Variants in PPP1R9A observed in about 807,000 individuals in gnomAD.
The protein encoded by PPP1R9A is neurabin-1.
PPP1R9A carries 59 observed loss-of-function variants against 141.9 expected under a neutral mutation model. The ratio of observed to expected loss-of-function variants is 0.42; its 90% CI spans 0.34 to 0.52. PPP1R9A has a LOEUF of 0.52. PPP1R9A is among the 20% of genes least tolerant of loss of function. PPP1R9A has a pLI of 0.10. For synonymous variants in PPP1R9A, 500 were observed against 569.7 expected (o/e 0.88, Z 1.74); for missense variants, 1,444 against 1,611.9 (o/e 0.90, Z 1.78).
intron 2 of PPP1R9A, among the ~76,000 whole-genome samples, chr7:94,919,309 T>G (rs1379780991): frequency 7.4e-6 from 1 of 135,916 alleles, no homozygotes; most frequent in Non-Finnish European, 1.5e-5. Flanking sequence ...ACATTTTTTT[T>G]TTTTTTTTTT....
chr7:94,967,677 C>G (rs926385835), intron 2 of PPP1R9A, among the ~76,000 whole-genome samples: 5 of 151,962 alleles, frequency 3.3e-5, no homozygotes, highest in African/African-American at 1.2e-4. Context: ...GCTCTGTTGC[C>G]AGGCTGGAGT....
At chr7:95,042,120 A>G (rs1809330130) in intron 2 of PPP1R9A, among the ~76,000 whole-genome samples, 1 of 152,094 alleles carries the variant, frequency 6.6e-6, no homozygotes, top group Non-Finnish European at 1.5e-5. Context: ...GTGTGCTTTT[A>G]CTGCCCTCAG....
At chr7:95,041,689 G>A (rs1213336668) in intron 2 of PPP1R9A, among the ~76,000 whole-genome samples, 1 of 151,826 alleles carries the variant, frequency 6.6e-6, no homozygotes, top group Non-Finnish European at 1.5e-5. Flanking sequence ...TTCTGAAATA[G>A]GAATAATTGA....
chr7:95,212,439 T>C (rs1476383279), intron 7 of PPP1R9A, among the ~76,000 whole-genome samples: 3 of 152,178 alleles, frequency 2.0e-5, no homozygotes, highest in Admixed American at 2.0e-4. Context: ...CAGATGATTA[T>C]AGAGATCCCT....
intron 4 of PPP1R9A, among the ~76,000 whole-genome samples, chr7:95,123,594 A>G (rs1343438435): frequency 6.6e-6 from 1 of 152,220 alleles, no homozygotes; most frequent in East Asian, 1.9e-4. Context: ...GGTGGCAGTG[A>G]GCCAAGATTG....
intron 2 of PPP1R9A, among the ~76,000 whole-genome samples, chr7:94,977,454 A>T (rs1799577831): frequency 6.6e-6 from 1 of 152,184 alleles, no homozygotes; most frequent in African/African-American, 2.4e-5. Flanking sequence ...AATGTTGCTG[A>T]TGGTTCGACT....
At chr7:95,268,054 A>G (rs1032818520) in intron 12 of PPP1R9A, among the ~76,000 whole-genome samples, 8 of 152,186 alleles carry the variant, frequency 5.3e-5, no homozygotes, top group African/African-American at 1.7e-4. Context: ...ATATATTAAA[A>G]TGAAAATGAT....
intron 2 of PPP1R9A, among the ~76,000 whole-genome samples, chr7:94,952,453 T>C (rs1796581542): frequency 6.6e-6 from 1 of 152,210 alleles, no homozygotes; most frequent in Non-Finnish European, 1.5e-5. Context: ...ATTTATAATA[T>C]CCTTTGAGTA....
chr7:95,101,498 T>C (rs1818790032), intron 2 of PPP1R9A, among the ~76,000 whole-genome samples: 1 of 152,056 alleles, frequency 6.6e-6, no homozygotes, highest in African/African-American at 2.4e-5. Flanking sequence ...TCCAGAAATA[T>C]AAGAAGAAAA....
chr7:94,982,866 G>A (rs951156548), intron 2 of PPP1R9A, among the ~76,000 whole-genome samples: 1 of 152,058 alleles, frequency 6.6e-6, no homozygotes, highest in Non-Finnish European at 1.5e-5. Flanking sequence ...CATTGCTTTT[G>A]GTGTTTTAGT....
intron 2 of PPP1R9A, among the ~76,000 whole-genome samples, chr7:94,935,484 G>A (rs1311868430): frequency 1.3e-5 from 2 of 152,092 alleles, no homozygotes; most frequent in African/African-American, 4.8e-5. Context: ...ACGTATGCAG[G>A]GCCCCTGAAA....
intron 2 of PPP1R9A, chr7:95,108,879 A>G (rs1010766343): frequency 2.6e-5 from 4 of 152,178 alleles, no homozygotes; most frequent in African/African-American, 9.7e-5. Context: ...GTATTAGTGA[A>G]ATTGAGTGAT....
chr7:94,971,858 G>A (rs1407964518), intron 2 of PPP1R9A, among the ~76,000 whole-genome samples: 1 of 152,166 alleles, frequency 6.6e-6, no homozygotes, highest in Non-Finnish European at 1.5e-5. Flanking sequence ...TTTTAAATTG[G>A]TTAGGATATA....
intron 2 of PPP1R9A, among the ~76,000 whole-genome samples, chr7:95,072,749 AATATT>A (rs1288719460): frequency 9.3e-6 from 1 of 107,792 alleles, no homozygotes; most frequent in East Asian, 2.2e-4. Context: ...TATAATATAT[AATATT>A]ATATTAAATA....
intron 2 of PPP1R9A, among the ~76,000 whole-genome samples, chr7:94,999,380 C>G (rs1008800941): frequency 1.3e-5 from 2 of 152,144 alleles, no homozygotes; most frequent in African/African-American, 4.8e-5. Context: ...GACAGCCACT[C>G]TAGATGGATG....
chr7:95,276,700 A>G (rs963963370), intron 16 of PPP1R9A, among the ~76,000 whole-genome samples: 2 of 152,204 alleles, frequency 1.3e-5, no homozygotes, highest in Admixed American at 6.5e-5. Context: ...TCATAGTTTT[A>G]TAATTATTAG....
chr7:95,110,185 A>G (rs796503981), intron 2 of PPP1R9A, among the ~76,000 whole-genome samples: 4 of 152,206 alleles, frequency 2.6e-5, no homozygotes, highest in Non-Finnish European at 5.9e-5. Context: ...TACCATATAT[A>G]GAATATAGGA....
At chr7:95,058,063 C>CT (rs1429812518) in intron 2 of PPP1R9A, among the ~76,000 whole-genome samples, 2 of 152,080 alleles carry the variant, frequency 1.3e-5, no homozygotes, top group Non-Finnish European at 2.9e-5. Flanking sequence ...ACTGGAGAGT[C>CT]TGATTCAGTA....
chr7:95,284,134 AT>A lies in PPP1R9A; in HGVS notation c.3415del (p.Ser1139ProfsTer19). ...TTTAATGACAGCCGGAAAGGATCCT[AT>A]TCCTTCAGGAACCTGCCTGCGCCTA... ...SWFNDSRKGS[Y>X]SFRNLPAPTS... On this transcript the variant is annotated frameshift_variant, in exon 17 of 20. Transcript: ENST00000433360. LOFTEE classifies it high-confidence loss of function. 1 of 1,590,122 alleles carries A rather than the reference AT, an allele frequency of 6.3e-7. No individual in the cohort carries two copies. Among genetic ancestry groups the A allele is most frequent in the South Asian group, 1.1e-5 (1 of 90,860 alleles).
Sources: allele counts gnomAD v4.1 joint callset (sites outside exome capture counted in the v4.1 genomes callset), GRCh38; gene constraint gnomAD v4.1.1; transcripts MANE v1.5; gene names NCBI Gene and HGNC (gene_info 2026-07-23, HGNC 2026-07-21).